Variants in CDHR4 observed in about 807,000 individuals in gnomAD.
The protein encoded by CDHR4 is cadherin related family member 4.
A neutral mutation model predicts 88.4 loss-of-function variants in CDHR4; 89 were observed. That is an observed-to-expected ratio of 1.01 (90% CI 0.85 to 1.20). CDHR4 has a LOEUF of 1.20. Among genes scored for constraint, CDHR4 ranks in the 50% most tolerant of loss-of-function variants. The probability of loss-of-function intolerance (pLI) is 0.00; values close to 1 mark genes in which losing one functional copy is unlikely to be tolerated. For missense variants in CDHR4, 914 were observed against 1,007.2 expected, an observed-to-expected ratio of 0.91 and a Z score of 1.25; for synonymous variants, 368 against 399.2, an observed-to-expected ratio of 0.92 and a Z score of 0.93.
Position 49,791,747 on chromosome 3 carries a change from C to G in CDHR4, c.2250G>C (p.Glu750Asp). ...IEGFLEAPKMEMSQAPSSVMS... is the reference protein window; with the variant it reads ...IEGFLEAPKMDMSQAPSSVMS... ...TGACACTGCTGGGTGCCTGGGACAT[C>G]TCCATCTTCGGTGCCTCCAGGAAAC... The change falls in exon 17 of 19, where the codon GAG (glutamate) becomes GAC (aspartate). Residue 750 changes from glutamate (E) to aspartate (D), a missense_variant. Transcript: ENST00000412678. 4 of 1,551,718 alleles carry G rather than the reference C, an allele frequency of 2.6e-6. No individual in the cohort carries two copies.
intron 14 of CDHR4, 77 bp from the exon 15 acceptor site, chr3:49,792,687 C>T: frequency 1.3e-6 from 2 of 1,527,418 alleles, no homozygotes; most frequent in Non-Finnish European, 1.8e-6. Flanking sequence ...CTTCCCCGGG[C>T]TAAGCCACCC....
At position 49,793,944 on chromosome 3, in the gene CDHR4, G is replaced by A. The variant is rs900313283; in HGVS notation, c.1342C>T (p.Arg448Cys). 11 of 1,551,660 alleles carry A rather than the reference G, an allele frequency of 7.1e-6. No homozygotes were observed. Among genetic ancestry groups the A allele is most frequent in the African/African-American group, 4.1e-5 (3 of 73,070 alleles). ...GCATCCTCCTGAACCCGGAACGTGC[G>A]AGGGGCACAGGCTGGGGAGAACTCG... ...INEFSPACAP[R>C]TFRVQEDAAP... is the part of the protein sequence containing the mutation. The change falls in exon 11 of 19, where the codon CGC (arginine) becomes TGC (cysteine). Residue 448 changes from arginine to cysteine, a missense_variant. By Grantham distance (180) the Arg-to-Cys change is radical. Transcript: ENST00000412678.
At position 49,796,902 on chromosome 3, in the gene CDHR4, A is replaced by G. The variant is rs1178163131; in HGVS notation, c.606+20T>C. ...CTCTACCCAATCCATAAACACCCTC[A>G]GATTCCAGGTCATGCTCACCTTTTG... On this transcript the variant is annotated intron_variant, in intron 5 of 18. Coordinates refer to ENST00000412678, the MANE Select transcript of CDHR4 (RefSeq NM_001007540.4). The G allele has an allele frequency of 2.3e-5, 36 of 1,541,408 alleles. No individual in the cohort carries two copies. Among genetic ancestry groups the G allele is most frequent in the Non-Finnish European group, 2.6e-5 (30 of 1,137,830 alleles).
chr3:49,802,807 C>G (rs2081380343), upstream of CDHR4, among the ~76,000 whole-genome samples: 1 of 152,258 alleles, frequency 6.6e-6, no homozygotes, highest in Non-Finnish European at 1.5e-5. Context: ...CAAAGTCCCG[C>G]CCTCTCTTGA....
chr3:49,801,432 T>C (rs577561060), upstream of CDHR4, among the ~76,000 whole-genome samples: 153 of 152,178 alleles, frequency 1.0e-3, 1 homozygote, highest in African/African-American at 3.5e-3. Context: ...TCCAGGCCTA[T>C]GGCCTTACAT....
chr3:49,799,007 T>C lies in CDHR4; in HGVS notation c.390A>G (p.Gln130=), dbSNP rs747628517. The C allele has an allele frequency of 3.7e-5, 59 of 1,608,956 alleles. No individual in the cohort carries two copies. Among genetic ancestry groups the C allele is most frequent in the Non-Finnish European group, 4.7e-5 (55 of 1,177,922 alleles). Residue 130 remains glutamine, a synonymous_variant, in exon 3 of 19, where the codon CAA becomes CAG. Transcript: ENST00000412678. ...CCCTGGCCTCACCTGGGCTGGCAAA[T>C]TGACCAGCACACTGGATATGGCTAA... ...RDLSHIQCAG[Q]FASPAGEMIQ... is the part of the protein sequence containing the mutation.
chr3:49,795,278 A>G lies in CDHR4; in HGVS notation c.949T>C (p.Trp317Arg), dbSNP rs2081252713. The G allele has an allele frequency of 6.4e-7, 1 of 1,551,648 alleles. No homozygotes were observed. Among genetic ancestry groups the G allele is most frequent in the Non-Finnish European group, 8.7e-7 (1 of 1,146,982 alleles). The change falls in exon 8 of 19, where the codon TGG becomes CGG. Residue 317 changes from tryptophan to arginine, a missense_variant. Transcript: ENST00000412678. The surrounding 1 kb of genome is among the most constrained non-coding windows in gnomAD (Gnocchi z 5.4). ...GTGAGATTGAGCTTGGCACTGGCCC[A>G]CAGCTGGCCCTGCTCAAAGGCCTTC... Reference protein sequence around the residue: ...QVKAFEQGQLWASAKLNLTMN... With the variant: ...QVKAFEQGQLRASAKLNLTMN...
In CDHR4 at chr3:49,794,016, A is replaced by G. The variant is rs1383499983; in HGVS notation, c.1280-10T>C. On this transcript the variant is annotated splice_polypyrimidine_tract_variant and intron_variant, in intron 10 of 18. Coordinates refer to ENST00000412678, the MANE Select transcript of CDHR4 (RefSeq NM_001007540.4). Reference sequence around the variant, plus strand: ...AGTACCGGCACCTCAGCTGGAAGTCATTTGGCAGTCAAGGAGCTGGCCTGG... The same window carrying G: ...AGTACCGGCACCTCAGCTGGAAGTCGTTTGGCAGTCAAGGAGCTGGCCTGG... 6.4e-7 allele frequency: 1 copy of G among 1,550,814 alleles called. No individual in the cohort carries two copies. The highest frequency in any genetic ancestry group is 8.7e-7 in the Non-Finnish European group (1 of 1,146,790).
At chr3:49,798,598 A>AG in intron 4 of CDHR4, 1 of 541,690 alleles carries the variant, frequency 1.8e-6, no homozygotes, top group Non-Finnish European at 3.2e-6. Context: ...AAAAAAAAAA[A>AG]AAAAAAAGAA....
chr3:49,791,674 AC>A, intron 17 of CDHR4, 39 bp downstream of exon 17: 1 of 1,548,020 alleles, frequency 6.5e-7, no homozygotes. Flanking sequence ...ACTCTGAAGC[AC>A]CCTTGGTGTC....
In CDHR4 at chr3:49,793,632, T is replaced by A; in HGVS notation, c.1574A>T (p.Asn525Ile). 1 of 1,551,728 alleles carries A rather than the reference T, an allele frequency of 6.4e-7. No homozygotes were observed. The highest frequency in any genetic ancestry group is 8.7e-7 in the Non-Finnish European group (1 of 1,146,990). Reference sequence around the variant, plus strand: ...GGAGCCTGAGAGGTGATGGTTGGGGTTCTGGTCTTGGCCATGGTCAATCAC... The same window carrying A: ...GGAGCCTGAGAGGTGATGGTTGGGGATCTGGTCTTGGCCATGGTCAATCAC... The part of the protein sequence containing the change: ...VLVIDHGQDQ[N>I]PNHHLSGSCT... Residue 525 changes from asparagine to isoleucine, a missense_variant, in exon 12 of 19, where the codon AAC (asparagine) becomes ATC (isoleucine). Coordinates refer to ENST00000412678, the MANE Select transcript of CDHR4 (RefSeq NM_001007540.4).
In CDHR4 at chr3:49,798,805, C is replaced by T. The variant is rs749270023; in HGVS notation, c.495+21G>A. ...CCCCCACCCCCATCCTGTCACCCACCGTCCCATGTTCTGGGCTTACCTGCG... is the reference window on the plus strand; with the variant it reads ...CCCCCACCCCCATCCTGTCACCCACTGTCCCATGTTCTGGGCTTACCTGCG... On this transcript the variant is annotated intron_variant, in intron 4 of 18. Transcript: ENST00000412678. The T allele has an allele frequency of 5.7e-5, 91 of 1,609,300 alleles. 1 individual carries two copies. The highest frequency in any genetic ancestry group is 3.4e-4 in the Middle Eastern group (2 of 5,912).
At chr3:49,800,078 G>A (rs565640487), upstream of CDHR4, among the ~76,000 whole-genome samples, 3 of 152,258 alleles carry the variant, frequency 2.0e-5, no homozygotes, top group South Asian at 6.2e-4. Context: ...TTCAGATGAG[G>A]AAACTGGTCA....
intron 5 of CDHR4, 83 bp from the exon 6 acceptor site, chr3:49,796,129 C>A (rs1385034642): frequency 2.1e-6 from 2 of 935,202 alleles, no homozygotes; most frequent in Non-Finnish European, 3.1e-6. Flanking sequence ...CTTAAATAGG[C>A]AACCTCACTT....
In CDHR4 at chr3:49,795,124, G is replaced by A; in HGVS notation, c.1032-24C>T. On this transcript the variant is annotated intron_variant, in intron 8 of 18. Transcript: ENST00000412678. The surrounding 1 kb of genome is among the most constrained non-coding windows in gnomAD (Gnocchi z 5.4). ...ACCTGAGAGTATGCAGTGGCAGCAA[G>A]GCAGGAGTCTGGCAGTACCCTGAGT... is the stretch of plus-strand genomic sequence containing the variant. The A allele has an allele frequency of 6.4e-7, 1 of 1,551,630 alleles. No individual in the cohort carries two copies. Among genetic ancestry groups the A allele is most frequent in the Non-Finnish European group, 8.7e-7 (1 of 1,146,976 alleles).
rs893073362 is a variant in CDHR4, at chr3:49,791,581, G to A, written c.2284-113C>T. On this transcript the variant is annotated intron_variant, in intron 17 of 18. Transcript: ENST00000412678. Reference sequence around the variant, plus strand: ...CCCACCTGCCTCCTCCATTCTGATGGTGCTAGTGTGGGCATTTCCACAAGG... The same window carrying A: ...CCCACCTGCCTCCTCCATTCTGATGATGCTAGTGTGGGCATTTCCACAAGG... 3.4e-6 allele frequency: 5 copies of A among 1,476,408 alleles called. No homozygotes were observed. The African/African-American group carries it at 5.6e-5, about 17-fold the overall frequency. 91.5% of individuals were successfully genotyped at this position (1,476,408 alleles called of 1,614,324 possible).
At position 49,798,821 on chromosome 3, in the gene CDHR4, C is replaced by A. The variant is rs1423843481; in HGVS notation, c.495+5G>T. ...GTCACCCACCGTCCCATGTTCTGGG[C>A]TTACCTGCGCTCCGTGGAGTTCTAG... is the stretch of plus-strand genomic sequence containing the variant. On this transcript the variant is annotated splice_donor_5th_base_variant and intron_variant, in intron 4 of 18. Transcript: ENST00000412678. 1.2e-6 allele frequency: 2 copies of A among 1,613,316 alleles called. No homozygotes were observed. Among genetic ancestry groups the A allele is most frequent in the Non-Finnish European group, 1.7e-6 (2 of 1,179,622 alleles).
chr3:49,802,804 C>T (rs948250764), upstream of CDHR4, among the ~76,000 whole-genome samples: 1 of 152,228 alleles, frequency 6.6e-6, no homozygotes. Context: ...CCACAAAGTC[C>T]CGCCCTCTCT....
intron 5 of CDHR4, among the ~76,000 whole-genome samples, chr3:49,796,361 A>G (rs377082556): frequency 1.3e-5 from 2 of 151,462 alleles, no homozygotes; most frequent in Non-Finnish European, 2.9e-5. Context: ...TTTACTCAGA[A>G]CTTTTTTTTT....
Sources: gnomAD v4.1 joint callset for allele counts (sites outside exome capture counted in the v4.1 genomes callset) on GRCh38, gnomAD v4.1.1 for gene constraint, Gnocchi (gnomAD v3.1) non-coding constraint, MANE v1.5 for transcripts, NCBI Gene and HGNC (gene_info 2026-07-23, HGNC 2026-07-21) for gene names.